Variants in PDLIM4 observed in about 807,000 individuals in gnomAD.
PDLIM4 encodes the protein PDZ and LIM domain 4.
In PDLIM4, 19 loss-of-function variants were observed where a neutral mutation model predicts 31.3. The ratio of observed to expected loss-of-function variants is 0.61; its 90% CI spans 0.42 to 0.89. The LOEUF is 0.89. Ranked by LOEUF, PDLIM4 falls within the 40% of genes least tolerant of loss-of-function variation. The pLI, the probability that PDLIM4 is intolerant of heterozygous loss-of-function variation, is 0.00. For missense variants in PDLIM4, 442 were observed against 461.1 expected, an observed-to-expected ratio of 0.96 and a Z score of 0.38; for synonymous variants, 176 against 190.1, an observed-to-expected ratio of 0.93 and a Z score of 0.61.
chr5:132,262,889 C>T, intron 2 of PDLIM4, 129 bp downstream of exon 2: 1 of 794,416 alleles, frequency 1.3e-6, no homozygotes, highest in Non-Finnish European at 2.0e-6. Flanking sequence ...CATCCAGGAA[C>T]AGTCCCAAGG....
chr5:132,263,210 T>G (rs1182316946), intron 2 of PDLIM4, among the ~76,000 whole-genome samples: 11 of 152,068 alleles, frequency 7.2e-5, no homozygotes. Context: ...CTCAGAAAGG[T>G]TAGATGGTGC....
intron 1 of PDLIM4, among the ~76,000 whole-genome samples, chr5:132,260,983 G>C (rs1452235577): frequency 6.6e-6 from 1 of 152,194 alleles, no homozygotes; most frequent in Non-Finnish European, 1.5e-5. Flanking sequence ...CCTGAAGAAA[G>C]ACTCCTCTCC....
chr5:132,271,402 C>T lies in PDLIM4; in HGVS notation c.606C>T (p.Ala202=), dbSNP rs547575390. 13 of 1,608,516 alleles carry T rather than the reference C, an allele frequency of 8.1e-6. No homozygotes were observed. The highest frequency in any genetic ancestry group is 3.3e-4 in the Middle Eastern group (2 of 6,048). ...TGCGGGAGCCAGCCGAGCCCGTGGC[C>T]GCGGAGCCCAAGCAGTCAGGCTCCT... is the stretch of plus-strand genomic sequence containing the variant. The part of the protein sequence containing the change: ...RMLREPAEPV[A]AEPKQSGSFR... The change falls in exon 5 of 7, where the codon GCC becomes GCT. Residue 202 remains alanine (A), a synonymous_variant. Coordinates refer to ENST00000253754, the MANE Select transcript of PDLIM4 (RefSeq NM_003687.4).
At chr5:132,260,482 C>G (rs1390782544) in intron 1 of PDLIM4, among the ~76,000 whole-genome samples, 1 of 152,146 alleles carries the variant, frequency 6.6e-6, no homozygotes, top group Non-Finnish European at 1.5e-5. Context: ...CTTCATCTCT[C>G]CCACTCTCCC....
At chr5:132,260,090 C>T (rs967822358) in intron 1 of PDLIM4, among the ~76,000 whole-genome samples, 2 of 152,180 alleles carry the variant, frequency 1.3e-5, no homozygotes, top group African/African-American at 4.8e-5. Context: ...TGTAATCAAC[C>T]TAGAGAAGCA....
At chr5:132,271,643 C>G (rs1364491338) in intron 5 of PDLIM4, 148 bp from the exon 6 acceptor site, 3 of 923,752 alleles carry the variant, frequency 3.2e-6, no homozygotes, top group Non-Finnish European at 5.3e-6. Context: ...CCTCTCCACC[C>G]CCTGTCGCTG....
At chr5:132,267,420 GC>G (rs1756515662) in intron 3 of PDLIM4, among the ~76,000 whole-genome samples, 1 of 152,206 alleles carries the variant, frequency 6.6e-6, no homozygotes, top group Admixed American at 6.5e-5. Context: ...ACCCTGCCTG[GC>G]TGGCATCCCT....
At chr5:132,263,265 G>A (rs548422153) in intron 2 of PDLIM4, among the ~76,000 whole-genome samples, 11 of 152,230 alleles carry the variant, frequency 7.2e-5, no homozygotes, top group Admixed American at 2.0e-4. Flanking sequence ...ATTTGATTTT[G>A]GGGCTCTCTC....
At chr5:132,271,766 A>G (rs1756625134) in intron 5 of PDLIM4, 25 bp from the exon 6 acceptor site, 3 of 1,492,218 alleles carry the variant, frequency 2.0e-6, no homozygotes, top group Non-Finnish European at 2.8e-6. Context: ...CACCCCGTTC[A>G]TGCCACCTAC....
At chr5:132,270,827 G>A in intron 3 of PDLIM4, 88 bp from the exon 4 acceptor site, 3 of 1,188,584 alleles carry the variant, frequency 2.5e-6, no homozygotes, top group Non-Finnish European at 3.7e-6. Context: ...TCCACCACCT[G>A]GCACAGCACA....
intron 4 of PDLIM4, 61 bp downstream of exon 4, chr5:132,271,154 A>G: frequency 1.9e-6 from 3 of 1,550,654 alleles, no homozygotes; most frequent in Non-Finnish European, 2.7e-6. Context: ...GATCCCTCAA[A>G]TCTCACCCAG....
intron 4 of PDLIM4, 27 bp downstream of exon 4, chr5:132,271,120 T>G (rs1406766101): frequency 1.2e-6 from 2 of 1,603,342 alleles, no homozygotes; most frequent in Non-Finnish European, 1.7e-6. Context: ...TTCGGTGCCA[T>G]GCCCAGAACC....
intron 4 of PDLIM4, 56 bp from the exon 5 acceptor site, chr5:132,271,247 A>G: frequency 1.3e-6 from 2 of 1,546,664 alleles, no homozygotes; most frequent in Non-Finnish European, 1.8e-6. Context: ...CCCCAAGTCC[A>G]CAGGGTGAAG....
At chr5:132,268,270 C>T (rs567772908) in intron 3 of PDLIM4, among the ~76,000 whole-genome samples, 34 of 152,318 alleles carry the variant, frequency 2.2e-4, no homozygotes, top group African/African-American at 7.9e-4. Context: ...AACACCCCCA[C>T]CCCACCCCTG....
chr5:132,260,336 G>T (rs1460385381), intron 1 of PDLIM4, among the ~76,000 whole-genome samples: 2 of 152,158 alleles, frequency 1.3e-5, no homozygotes, highest in Admixed American at 1.3e-4. Context: ...GAGCTAGACG[G>T]ATCGGCCTGA....
Position 132,271,853 on chromosome 5 carries a change from C to T in PDLIM4, c.733C>T (p.Pro245Ser). The T allele has an allele frequency of 6.2e-7, 1 of 1,612,312 alleles. No homozygotes were observed. ...GCCCACGGCCAGCAAGCTGGGCGCT[C>T]CGCTGAGCGGCCTGCAGGGGCTGCC... ...LKPTASKLGAPLSGLQGLPEC... is the reference protein window; with the variant it reads ...LKPTASKLGASLSGLQGLPEC... Residue 245 changes from proline to serine, a missense_variant, in exon 6 of 7, where the codon CCG (proline) becomes TCG (serine). Transcript: ENST00000253754.
intron 1 of PDLIM4, among the ~76,000 whole-genome samples, chr5:132,260,699 T>G (rs1756355326): frequency 6.6e-6 from 1 of 152,264 alleles, no homozygotes; most frequent in Non-Finnish European, 1.5e-5. Context: ...TGATTCAGTC[T>G]TTTATCAATT....
chr5:132,270,128 C>A (rs270621), intron 3 of PDLIM4, among the ~76,000 whole-genome samples: 100,785 of 152,058 alleles, frequency 0.66, 34,353 homozygotes, highest in African/African-American at 0.8. Context: ...ACTCAGACCC[C>A]CACACACAGA....
At chr5:132,264,816 G>T (rs958927585) in intron 2 of PDLIM4, among the ~76,000 whole-genome samples, 4 of 151,030 alleles carry the variant, frequency 2.6e-5, no homozygotes, top group Admixed American at 1.3e-4. Context: ...TGTTGAGCTG[G>T]CTGGAGTGAG....
Sources: allele counts gnomAD v4.1 joint callset (sites outside exome capture counted in the v4.1 genomes callset), GRCh38; gene constraint gnomAD v4.1.1; transcripts MANE v1.5; gene names NCBI Gene and HGNC (gene_info 2026-07-23, HGNC 2026-07-21).